Variants in GRIN2A observed in about 807,000 individuals in gnomAD.
GRIN2A encodes the protein glutamate ionotropic receptor NMDA type subunit 2A.
In GRIN2A, 22 loss-of-function variants were observed where a neutral mutation model predicts 113.4. That is an observed-to-expected ratio of 0.19 (90% CI 0.14 to 0.28). The LOEUF is 0.28. GRIN2A is among the 10% of genes least tolerant of loss of function. The probability of loss-of-function intolerance (pLI) is 1.00; values close to 1 mark genes in which losing one functional copy is unlikely to be tolerated. For synonymous variants in GRIN2A, 827 were observed against 738.4 expected (o/e 1.12, Z -1.94); for missense variants, 1,502 against 1,887.0 (o/e 0.80, Z 3.78).
At chr16:9,994,751 G>C (rs1011143539) in intron 2 of GRIN2A, among the ~76,000 whole-genome samples, 2 of 152,176 alleles carry the variant, frequency 1.3e-5, no homozygotes, top group African/African-American at 4.8e-5. Context: ...ATGGAAAAAC[G>C]TAAGGGAGAA....
At chr16:9,869,442 AAAAC>A (rs1324471686) in intron 4 of GRIN2A, among the ~76,000 whole-genome samples, 3 of 152,198 alleles carry the variant, frequency 2.0e-5, no homozygotes, top group Non-Finnish European at 4.4e-5. Context: ...CTAAATAAAT[AAAAC>A]AGACAAGTTA....
intron 2 of GRIN2A, among the ~76,000 whole-genome samples, chr16:10,109,887 AAT>A (rs2048578459): frequency 6.9e-6 from 1 of 144,672 alleles, no homozygotes. Flanking sequence ...CCACAAAAAA[AAT>A]AAAATTTTTT....
At chr16:10,020,098 G>T (rs924386308) in intron 2 of GRIN2A, among the ~76,000 whole-genome samples, 1 of 152,024 alleles carries the variant, frequency 6.6e-6, no homozygotes, top group Admixed American at 6.6e-5. Context: ...AAGCTGGAAG[G>T]AAAAAAACAG....
At chr16:10,021,895 C>T (rs1204825957) in intron 2 of GRIN2A, among the ~76,000 whole-genome samples, 2 of 152,092 alleles carry the variant, frequency 1.3e-5, no homozygotes, top group Admixed American at 6.5e-5. Context: ...CTCTCTGCCC[C>T]CAGTGATGGG....
In GRIN2A at chr16:9,998,946, G is replaced by A. The variant is rs140571116; in HGVS notation, c.415-60395C>T. On this transcript the variant is annotated intron_variant, in intron 2 of 12. Coordinates refer to ENST00000330684, the MANE Select transcript of GRIN2A (RefSeq NM_001134407.3). ...ATAAACATCCTAGGGGTGCGGGTAG[G>A]GGGTGTGGAATATACAAAGAATCCT... Among the ~76,000 whole-genome samples the A allele has an allele frequency of 4.6e-5, 7 of 152,238 alleles. No individual in the cohort carries two copies. The East Asian group carries it at 9.6e-4, about 21-fold the overall frequency.
intron 2 of GRIN2A, among the ~76,000 whole-genome samples, chr16:9,973,612 G>C (rs187667097): frequency 6.6e-6 from 1 of 152,254 alleles, no homozygotes; most frequent in Admixed American, 6.5e-5. Flanking sequence ...AGAAAACCAT[G>C]CTAGGCACAT....
At chr16:9,994,884 C>T (rs1028969313) in intron 2 of GRIN2A, among the ~76,000 whole-genome samples, 7 of 152,120 alleles carry the variant, frequency 4.6e-5, no homozygotes, top group Non-Finnish European at 1.5e-5. Context: ...AATAAGCAAA[C>T]AAACATACAA....
intron 2 of GRIN2A, among the ~76,000 whole-genome samples, chr16:10,164,711 T>C (rs2049875576): frequency 6.6e-6 from 1 of 152,244 alleles, no homozygotes; most frequent in Non-Finnish European, 1.5e-5. Context: ...ATTACTCCAC[T>C]GTATGTTATA....
chr16:9,949,405 G>C (rs553807143), intron 2 of GRIN2A, among the ~76,000 whole-genome samples: 1 of 151,906 alleles, frequency 6.6e-6, no homozygotes, highest in African/African-American at 2.4e-5. Flanking sequence ...TGGTCAAATA[G>C]GACAAATGGA....
intron 2 of GRIN2A, among the ~76,000 whole-genome samples, chr16:10,167,456 T>C (rs75044006): frequency 6.6e-6 from 1 of 152,292 alleles, no homozygotes; most frequent in East Asian, 1.9e-4. Flanking sequence ...ATTAACCTTT[T>C]TCAAGTCAGG....
chr16:10,179,150 C>T (rs2050209184), intron 2 of GRIN2A, among the ~76,000 whole-genome samples: 1 of 152,104 alleles, frequency 6.6e-6, no homozygotes. Context: ...AGGCTGTCCA[C>T]AAAAAAGACC....
chr16:10,040,242 CCACA>C, intron 2 of GRIN2A, among the ~76,000 whole-genome samples: 1 of 141,752 alleles, frequency 7.1e-6, no homozygotes, highest in South Asian at 2.5e-4. Flanking sequence ...CACATTCACA[CCACA>C]CACACATCCA....
At chr16:10,181,323 G>A (rs2050268140) in intron 1 of GRIN2A, among the ~76,000 whole-genome samples, 1 of 152,252 alleles carries the variant, frequency 6.6e-6, no homozygotes, top group South Asian at 2.1e-4. Flanking sequence ...AGCTGGCAAA[G>A]AACGTGCGTA....
chr16:10,095,598 T>C (rs1435733768), intron 2 of GRIN2A, among the ~76,000 whole-genome samples: 1 of 152,246 alleles, frequency 6.6e-6, no homozygotes, highest in Non-Finnish European at 1.5e-5. Flanking sequence ...ATAGTCTCAA[T>C]GTATCTGCCT....
chr16:10,029,064 C>T (rs2046878304), intron 2 of GRIN2A, among the ~76,000 whole-genome samples: 1 of 152,166 alleles, frequency 6.6e-6, no homozygotes, highest in Non-Finnish European at 1.5e-5. Context: ...CTCACTTTCC[C>T]AACTCTCTCA....
chr16:10,022,701 CTGAA>C (rs1274531974), intron 2 of GRIN2A, among the ~76,000 whole-genome samples: 3 of 152,186 alleles, frequency 2.0e-5, no homozygotes, highest in African/African-American at 7.2e-5. Flanking sequence ...TATTTAGTGA[CTGAA>C]TGAGTGAATG....
intron 2 of GRIN2A, among the ~76,000 whole-genome samples, chr16:10,026,542 G>A (rs576514470): frequency 2.9e-5 from 4 of 138,850 alleles, no homozygotes; most frequent in Admixed American, 6.9e-5. Flanking sequence ...ATATCACTTC[G>A]CCCTCTGATT....
intron 2 of GRIN2A, among the ~76,000 whole-genome samples, chr16:10,093,480 C>G (rs888013936): frequency 1.3e-5 from 2 of 152,194 alleles, no homozygotes; most frequent in Non-Finnish European, 2.9e-5. Flanking sequence ...CAGCATCTCT[C>G]CTACATTTGC....
intron 9 of GRIN2A, among the ~76,000 whole-genome samples, chr16:9,828,735 G>A (rs1220993255): frequency 1.3e-5 from 2 of 152,144 alleles, no homozygotes; most frequent in Admixed American, 6.5e-5. Flanking sequence ...TGGAGAATGA[G>A]AGAGCAGGTG....
Sources: allele counts gnomAD v4.1 joint callset (sites outside exome capture counted in the v4.1 genomes callset), GRCh38; gene constraint gnomAD v4.1.1; transcripts MANE v1.5; gene names NCBI Gene and HGNC (gene_info 2026-07-23, HGNC 2026-07-21).